The following RALGAPA1 variants were observed in gnomAD, a reference collection of about 807,000 sequenced individuals.
The protein encoded by RALGAPA1 is Ral GTPase activating protein catalytic subunit alpha 1, also known as ral GTPase-activating protein subunit alpha-1.
In RALGAPA1, 52 loss-of-function variants were observed where a neutral mutation model predicts 269.6. The ratio of observed to expected loss-of-function variants is 0.19; its 90% confidence interval spans 0.15 to 0.24. The LOEUF (loss-of-function observed/expected upper bound fraction) is 0.24. Among genes scored for constraint, RALGAPA1 ranks in the 10% least tolerant of loss-of-function variants. RALGAPA1 has a pLI of 1.00. For missense variants in RALGAPA1, 1,917 were observed against 3,013.9 expected, an observed-to-expected ratio of 0.64 and a Z score of 8.52; for synonymous variants, 817 against 1,008.3, an observed-to-expected ratio of 0.81 and a Z score of 3.60.
intron 35 of RALGAPA1, among the ~76,000 whole-genome samples, chr14:35,610,706 C>T (rs2059877931): frequency 6.6e-6 from 1 of 152,088 alleles, no homozygotes; most frequent in Non-Finnish European, 1.5e-5. Flanking sequence ...CTGACTTGCA[C>T]ATGAGGTGAC....
intron 9 of RALGAPA1, 54 bp downstream of exon 9, chr14:35,750,428 T>A: frequency 7.1e-7 from 1 of 1,410,498 alleles, no homozygotes; most frequent in Non-Finnish European, 1.0e-6. Context: ...CTCAATGGAC[T>A]AAATCTCAAA....
At chr14:35,593,469 A>G (rs2138970971) in intron 37 of RALGAPA1, among the ~76,000 whole-genome samples, 1 of 152,300 alleles carries the variant, frequency 6.6e-6, no homozygotes, top group South Asian at 2.1e-4. Context: ...ACAGAAATAG[A>G]AAAATCAATT....
At chr14:35,666,741 T>TA (rs986428310) in intron 26 of RALGAPA1, among the ~76,000 whole-genome samples, 5 of 152,192 alleles carry the variant, frequency 3.3e-5, no homozygotes, top group African/African-American at 1.2e-4. Context: ...AAGGAGAAAT[T>TA]AGTCATTTCA....
intron 22 of RALGAPA1, chr14:35,677,421 TGGCAG>T (rs2065041816): frequency 2.6e-5 from 4 of 153,610 alleles, no homozygotes; most frequent in Non-Finnish European, 5.8e-5. Flanking sequence ...AAAAAAAACT[TGGCAG>T]TTACTTAGGT....
chr14:35,590,933 A>G (rs763488646), intron 37 of RALGAPA1, among the ~76,000 whole-genome samples: 2 of 152,226 alleles, frequency 1.3e-5, no homozygotes, highest in Non-Finnish European at 2.9e-5. Flanking sequence ...AGGATTTTCA[A>G]TAGAAACCCT....
At chr14:35,570,857 C>T in intron 38 of RALGAPA1, 113 bp from the exon 39 acceptor site, 2 of 980,428 alleles carry the variant, frequency 2.0e-6, no homozygotes, top group Non-Finnish European at 2.9e-6. Flanking sequence ...TTAGTTCTTC[C>T]TTCAGTAAAA....
chr14:35,633,934 G>T (rs1387035458), intron 33 of RALGAPA1, among the ~76,000 whole-genome samples: 1 of 152,050 alleles, frequency 6.6e-6, no homozygotes, highest in Non-Finnish European at 1.5e-5. Flanking sequence ...ACTAAGTAAG[G>T]ATTGTACAAA....
intron 1 of RALGAPA1, among the ~76,000 whole-genome samples, chr14:35,786,117 A>G (rs2075776988): frequency 6.6e-6 from 1 of 152,056 alleles, no homozygotes; most frequent in African/African-American, 2.4e-5. Flanking sequence ...AGATTGTGCC[A>G]CTGCACTCCA....
chr14:35,682,952 A>G (rs1489564968), intron 21 of RALGAPA1, among the ~76,000 whole-genome samples: 1 of 152,186 alleles, frequency 6.6e-6, no homozygotes, highest in Non-Finnish European at 1.5e-5. Flanking sequence ...CCCTGGCTCA[A>G]ATTACCTCTG....
chr14:35,698,423 T>A (rs1254176002), intron 17 of RALGAPA1, among the ~76,000 whole-genome samples: 2 of 152,178 alleles, frequency 1.3e-5, no homozygotes, highest in African/African-American at 4.8e-5. Flanking sequence ...AAGTTGCAGA[T>A]GAGAAATTCT....
intron 41 of RALGAPA1, 46 bp from the exon 42 acceptor site, chr14:35,539,736 TC>T: frequency 6.2e-7 from 1 of 1,600,580 alleles, no homozygotes; most frequent in Non-Finnish European, 8.5e-7. Context: ...CAGCCTCTCA[TC>T]CCCTGAGAAA....
intron 37 of RALGAPA1, among the ~76,000 whole-genome samples, chr14:35,576,850 C>T (rs573424909): frequency 6.6e-6 from 1 of 152,260 alleles, no homozygotes; most frequent in African/African-American, 2.4e-5. Flanking sequence ...ACTGTAACCA[C>T]CTCCCTATAT....
Position 35,620,557 on chromosome 14 carries a change from T to A in RALGAPA1, c.6929+4804A>T, listed in dbSNP as rs970545788. Among the ~76,000 whole-genome samples the A allele has an allele frequency of 4.6e-5, 7 of 152,112 alleles. No individual in the cohort carries two copies. In the East Asian group the frequency reaches 9.7e-4, roughly 21 times the overall value. On this transcript the variant is annotated intron_variant, in intron 35 of 41. Coordinates refer to ENST00000680220, the MANE Select transcript of RALGAPA1 (RefSeq NM_001346249.2). Reference sequence around the variant, plus strand: ...AAATAAAGGGTATTCAATTAGGAAATGAGGAAGTCAAATTGTTCCTATTTG... The same window carrying A: ...AAATAAAGGGTATTCAATTAGGAAAAGAGGAAGTCAAATTGTTCCTATTTG...
chr14:35,620,700 C>A lies in RALGAPA1; in HGVS notation c.6929+4661G>T, dbSNP rs191583161. 1.4e-4 allele frequency among the ~76,000 whole-genome samples: 22 copies of A among 152,294 alleles called. No homozygotes were observed. In the East Asian group the frequency reaches 2.5e-3, roughly 17 times the overall value. ...AAAATCAATGTGCAAAAATCACAAG[C>A]ATTCCTATACATCATTAACAGACAA... On this transcript the variant is annotated intron_variant, in intron 35 of 41. Transcript: ENST00000680220.
Position 35,684,089 on chromosome 14 carries a change from T to A in RALGAPA1, c.4295-104A>T, listed in dbSNP as rs574485839. On this transcript the variant is annotated intron_variant, in intron 20 of 41. Transcript: ENST00000680220. ...ATCAAACATAAACATTCCCCGTACA[T>A]CTATTCTGTTTACATATCACTCAGA... 4.3e-5 allele frequency: 35 copies of A among 815,722 alleles called. No individual in the cohort carries two copies. The South Asian group carries it at 6.6e-4, about 15-fold the overall frequency. The allele number at this position is 815,722 out of a possible 1,614,324, so 50.5% of individuals were successfully genotyped here. A position where few individuals can be genotyped will look rare whatever the true frequency, so the allele number is the denominator to read the frequency against.
chr14:35,699,249 AT>A (rs1567034169), intron 17 of RALGAPA1, among the ~76,000 whole-genome samples: 3 of 152,050 alleles, frequency 2.0e-5, no homozygotes, highest in Admixed American at 2.0e-4. Context: ...TGCCAAAAAA[AT>A]TTTTTTTAAA....
At chr14:35,685,803 C>G (rs1025617479) in intron 19 of RALGAPA1, among the ~76,000 whole-genome samples, 5 of 152,130 alleles carry the variant, frequency 3.3e-5, no homozygotes, top group Non-Finnish European at 5.9e-5. Flanking sequence ...ACTCAGGGGG[C>G]TCAGGCAGGA....
At chr14:35,649,565 A>G (rs1053833894) in intron 31 of RALGAPA1, among the ~76,000 whole-genome samples, 1 of 152,194 alleles carries the variant, frequency 6.6e-6, no homozygotes, top group African/African-American at 2.4e-5. Context: ...TCTCCAAAAC[A>G]AACCATACTA....
rs1299897696 is a variant in RALGAPA1 at position 35,651,859 on chromosome 14, G to T, written c.5622C>A (p.Thr1874=). The T allele has an allele frequency of 1.9e-6, 3 of 1,597,886 alleles. No individual in the cohort carries two copies. In the African/African-American group the frequency reaches 4.2e-5, roughly 22 times the overall value. Residue 1874 remains threonine, a synonymous_variant, in exon 31 of 42, where the codon ACC becomes ACA. Coordinates refer to ENST00000680220, the MANE Select transcript of RALGAPA1 (RefSeq NM_001346249.2). Reference sequence around the variant, plus strand: ...CTGTACTTGGTAAAAGATGGGTGATGGTAGCTATTAGGATCTGTAAGCAAA... The same window carrying T: ...CTGTACTTGGTAAAAGATGGGTGATTGTAGCTATTAGGATCTGTAAGCAAA... ...PLKIIQILIA[T]ITHLLPSTEA...
Sources: allele counts gnomAD v4.1 joint callset (sites outside exome capture counted in the v4.1 genomes callset), GRCh38; gene constraint gnomAD v4.1.1; transcripts MANE v1.5; gene names NCBI Gene and HGNC (gene_info 2026-07-23, HGNC 2026-07-21).